WWTR1: variants seen among roughly 807,000 people sequenced by gnomAD.
WWTR1 encodes the protein WW domain containing transcription regulator 1, also known as WW domain-containing transcription regulator protein 1.
WWTR1 carries 13 observed loss-of-function variants against 40.1 expected under a neutral mutation model. The observed-to-expected ratio is 0.32, with a 90% CI of 0.21 to 0.52. The LOEUF is 0.52. Among genes scored for constraint, WWTR1 ranks in the 20% least tolerant of loss-of-function variants. The probability of loss-of-function intolerance (pLI) is 0.97; values close to 1 mark genes in which losing one functional copy is unlikely to be tolerated. For synonymous variants in WWTR1, 230 were observed against 210.1 expected, an observed-to-expected ratio of 1.09 and a Z score of -0.82; for missense variants, 436 against 523.1, an observed-to-expected ratio of 0.83 and a Z score of 1.63.
intron 6 of WWTR1, among the ~76,000 whole-genome samples, chr3:149,524,168 G>A (rs1735182682): frequency 6.6e-6 from 1 of 152,186 alleles, no homozygotes; most frequent in Non-Finnish European, 1.5e-5. Flanking sequence ...ACTAGGAATG[G>A]AGAAGCAAGG....
intron 2 of WWTR1, among the ~76,000 whole-genome samples, chr3:149,587,508 T>C (rs1738485425): frequency 6.6e-6 from 1 of 152,194 alleles, no homozygotes; most frequent in Non-Finnish European, 1.5e-5. Context: ...CACGGTGTAA[T>C]ACAAACATTT....
chr3:149,684,182 T>C (rs1340717154), intron 1 of WWTR1, among the ~76,000 whole-genome samples: 1 of 151,974 alleles, frequency 6.6e-6, no homozygotes, highest in Non-Finnish European at 1.5e-5. Flanking sequence ...TTAGAAAATA[T>C]ATATATATAT....
intron 2 of WWTR1, among the ~76,000 whole-genome samples, chr3:149,652,236 A>G (rs1198694754): frequency 6.6e-6 from 1 of 151,952 alleles, no homozygotes; most frequent in Non-Finnish European, 1.5e-5. Flanking sequence ...GGCTTTGGCA[A>G]TGTGGAAAGC....
rs546824317 is a variant in WWTR1 at position 149,663,555 on chromosome 3, G to A, written c.-4+6233C>T. Reference sequence around the variant, plus strand: ...TACTAAAAATACAAAAATTAGCCATGCGTGGTGGCGCGTGCCTGTAATCCC... The same window carrying A: ...TACTAAAAATACAAAAATTAGCCATACGTGGTGGCGCGTGCCTGTAATCCC... On this transcript the variant is annotated intron_variant, in intron 2 of 7. Transcript: ENST00000465804. 9.9e-5 allele frequency among the ~76,000 whole-genome samples: 15 copies of A among 152,172 alleles called. No homozygotes were observed. In the East Asian group the frequency reaches 2.5e-3, roughly 26 times the overall value.
intron 1 of WWTR1, among the ~76,000 whole-genome samples, chr3:149,682,448 C>G (rs572163139): frequency 3.3e-5 from 5 of 152,250 alleles, no homozygotes; most frequent in African/African-American, 9.6e-5. Context: ...CAAAGAATTT[C>G]TTTGTTAAGA....
At chr3:149,565,840 G>A (rs1388037796) in intron 3 of WWTR1, among the ~76,000 whole-genome samples, 1 of 151,700 alleles carries the variant, frequency 6.6e-6, no homozygotes, top group Non-Finnish European at 1.5e-5. Context: ...GAACCCGGGA[G>A]GTGGAGGTTG....
chr3:149,688,340 A>C (rs1714717922), intron 1 of WWTR1, among the ~76,000 whole-genome samples: 1 of 152,140 alleles, frequency 6.6e-6, no homozygotes, highest in African/African-American at 2.4e-5. Flanking sequence ...CCAGTACTTT[A>C]CTGGCTTTAG....
chr3:149,559,293 C>CAAAAAAAAAAAAAAAAAAAAGAAAA (rs1736984774), intron 3 of WWTR1, among the ~76,000 whole-genome samples: 6 of 58,082 alleles, frequency 1.0e-4, no homozygotes, highest in East Asian at 5.0e-4. Context: ...GACTCCATCT[C>CAAAAAAAAAAAAAAAAAAAAGAAAA]AAAAAAAAAA....
chr3:149,534,407 C>T (rs1238098105), intron 4 of WWTR1, among the ~76,000 whole-genome samples: 2 of 152,038 alleles, frequency 1.3e-5, no homozygotes, highest in East Asian at 1.9e-4. Context: ...TTCACTTTTC[C>T]GAGCCTGTTT....
intron 1 of WWTR1, among the ~76,000 whole-genome samples, chr3:149,678,054 G>T (rs2864416): frequency 6.6e-6 from 1 of 151,598 alleles, no homozygotes; most frequent in Non-Finnish European, 1.5e-5. Context: ...TACAGGCGGG[G>T]GCCACCACAC....
chr3:149,527,510 G>A (rs1387850886), intron 5 of WWTR1, among the ~76,000 whole-genome samples: 1 of 152,088 alleles, frequency 6.6e-6, no homozygotes, highest in East Asian at 1.9e-4. Context: ...TCCCCTGTTG[G>A]TTACATAAAA....
intron 3 of WWTR1, among the ~76,000 whole-genome samples, chr3:149,547,749 C>T (rs1291696496): frequency 2.0e-5 from 3 of 151,726 alleles, no homozygotes; most frequent in Non-Finnish European, 2.9e-5. Flanking sequence ...TTTTTCCTTC[C>T]AAGAGAGTCA....
upstream of WWTR1, among the ~76,000 whole-genome samples, chr3:149,705,568 T>C (rs1002876523): frequency 6.6e-6 from 1 of 152,178 alleles, no homozygotes; most frequent in Non-Finnish European, 1.5e-5. Flanking sequence ...CCAAAACATA[T>C]ATCTGTTGGG....
chr3:149,538,598 G>C (rs978108011), intron 4 of WWTR1, among the ~76,000 whole-genome samples: 1 of 152,306 alleles, frequency 6.6e-6, no homozygotes, highest in Admixed American at 6.5e-5. Flanking sequence ...AAATTCTCCT[G>C]CTTCAGAAGA....
In WWTR1 at chr3:149,601,570, C is replaced by T. The variant is rs188210236; in HGVS notation, c.432-28570G>A. 2.6e-5 allele frequency among the ~76,000 whole-genome samples: 4 copies of T among 152,302 alleles called. No homozygotes were observed. The East Asian group carries it at 7.7e-4, about 29-fold the overall frequency. ...ACCATTTCTCCTTTTCTTGAAACTA[C>T]AAGGTCAATCCCCTTGGGAACTTCC... On this transcript the variant is annotated intron_variant, in intron 2 of 6. Coordinates refer to ENST00000360632, the MANE Select transcript of WWTR1 (RefSeq NM_015472.6).
intron 2 of WWTR1, among the ~76,000 whole-genome samples, chr3:149,596,075 C>CCATAAA (rs1327496650): frequency 2.9e-4 from 44 of 152,110 alleles, no homozygotes; most frequent in African/African-American, 9.6e-4. Context: ...ACCAAGTTCT[C>CCATAAA]CATAAACTGG....
At chr3:149,534,201 A>G in intron 4 of WWTR1, among the ~76,000 whole-genome samples, 1 of 152,110 alleles carries the variant, frequency 6.6e-6, no homozygotes, top group Non-Finnish European at 1.5e-5. Context: ...AAGAAAAGAA[A>G]AGAAAAACGT....
At chr3:149,723,188 T>TC (rs1217932399) in intron 4 of WWTR1, among the ~76,000 whole-genome samples, 50 of 122,100 alleles carry the variant, frequency 4.1e-4, no homozygotes, top group Admixed American at 2.1e-3. Flanking sequence ...TTCTTTTCTT[T>TC]TTTTTTTTTT....
chr3:149,649,968 C>T (rs1051713726), intron 2 of WWTR1: 8 of 150,758 alleles, frequency 5.3e-5, no homozygotes, highest in Non-Finnish European at 1.2e-4. Context: ...CGCTATGTTG[C>T]CCAGGCTTGT....
Sources: gnomAD v4.1 joint callset for allele counts (sites outside exome capture counted in the v4.1 genomes callset) on GRCh38, gnomAD v4.1.1 for gene constraint, MANE v1.5 for transcripts, NCBI Gene and HGNC (gene_info 2026-07-23, HGNC 2026-07-21) for gene names.